The following CIZ1 variants were observed in gnomAD, a reference collection of about 807,000 sequenced individuals.
The protein encoded by CIZ1 is cip1-interacting zinc finger protein.
In CIZ1, 58 loss-of-function variants were observed where a neutral mutation model predicts 118.6. The observed-to-expected ratio is 0.49, with a 90% CI of 0.40 to 0.61. CIZ1 has a LOEUF of 0.61. CIZ1 is among the 20% of genes least tolerant of loss of function. CIZ1 has a pLI of 0.00. For missense variants in CIZ1, 921 were observed against 1,115.9 expected (o/e 0.83, Z 2.49); for synonymous variants, 448 against 443.4 (o/e 1.01, Z -0.13).
chr9:128,179,880 C>G (rs1831358848), intron 7 of CIZ1, among the ~76,000 whole-genome samples: 1 of 151,708 alleles, frequency 6.6e-6, no homozygotes, highest in Non-Finnish European at 1.5e-5. Context: ...CCATGTTGGT[C>G]AGGTTGGTCT....
chr9:128,177,542 C>CCCCCAAATAA (rs1831019097), intron 10 of CIZ1, 24 bp downstream of exon 10: 3 of 1,229,494 alleles, frequency 2.4e-6, no homozygotes, highest in South Asian at 1.8e-5. Context: ...CACCCCTCCC[C>CCCCCAAATAA]ACCCTTATCT....
Position 128,190,799 on chromosome 9 carries a change from A to C in CIZ1, c.59T>G (p.Leu20Ter). The C allele has an allele frequency of 6.5e-7, 1 of 1,540,354 alleles. No homozygotes were observed. The highest frequency in any genetic ancestry group is 8.7e-7 in the Non-Finnish European group (1 of 1,143,112). ...LQQQQQQLQQ[L>*]QQQQLQQQQL... is the part of the protein sequence containing the mutation. ...CTGCTGCTGGAGCTGCTGCTGCTGT[A>C]ACTGCTGGAGCTGCTGCTGCTGTTG... The change falls in exon 2 of 17, where the codon TTA becomes TGA. Residue 20 changes from leucine (L) to a stop codon, truncating the protein, a stop_gained. Coordinates refer to ENST00000372938, the MANE Select transcript of CIZ1 (RefSeq NM_001131016.2). LOFTEE classifies it high-confidence loss of function.
chr9:128,169,605 T>TCCC, intron 12 of CIZ1, 86 bp from the exon 13 acceptor site: 1 of 1,572,122 alleles, frequency 6.4e-7, no homozygotes, highest in East Asian at 2.3e-5. Context: ...AGAGCTCACC[T>TCCC]CCCCCGGGCA....
Position 128,166,277 on chromosome 9 carries a change from G to C in CIZ1, c.2617C>G (p.Gln873Glu). Residue 873 changes from glutamine to glutamate, a missense_variant, in exon 17 of 17, where the codon CAG becomes GAG. Coordinates refer to ENST00000372938, the MANE Select transcript of CIZ1 (RefSeq NM_001131016.2). This position sits in a 1 kb window ranked among gnomAD's most constrained non-coding sequence, Gnocchi z 4.4. Reference protein sequence around the residue: ...SGRPPSQPNTQDKTPSKVTAR... With the variant: ...SGRPPSQPNTEDKTPSKVTAR... ...GTCACCTTGCTGGGTGTTTTGTCCT[G>C]GGTGTTGGGCTGGGAGGGTGGGCGG... is the stretch of plus-strand genomic sequence containing the variant. 1 of 1,564,338 alleles carries C rather than the reference G, an allele frequency of 6.4e-7. No individual in the cohort carries two copies. Among genetic ancestry groups the C allele is most frequent in the Non-Finnish European group, 8.7e-7 (1 of 1,152,482 alleles).
intron 10 of CIZ1, among the ~76,000 whole-genome samples, chr9:128,176,866 T>C (rs1285262871): frequency 6.6e-6 from 1 of 152,184 alleles, no homozygotes; most frequent in Non-Finnish European, 1.5e-5. Context: ...GTCACATTGC[T>C]GAATCCCCAG....
intron 5 of CIZ1, among the ~76,000 whole-genome samples, chr9:128,184,302 A>G (rs1160107895): frequency 6.6e-6 from 1 of 152,198 alleles, no homozygotes; most frequent in Non-Finnish European, 1.5e-5. Context: ...AGTTTTTAAA[A>G]AAGGAATGTA....
rs1484930059 is a variant in CIZ1 at position 128,191,091 on chromosome 9, C to A, written c.-5-229G>T. Among the ~76,000 whole-genome samples the A allele has an allele frequency of 6.6e-6, 1 of 152,114 alleles. No homozygotes were observed. The highest frequency in any genetic ancestry group is 1.5e-5 in the Non-Finnish European group (1 of 68,004). On this transcript the variant is annotated intron_variant, in intron 1 of 16. Coordinates refer to ENST00000372938, the MANE Select transcript of CIZ1 (RefSeq NM_001131016.2). The surrounding 1 kb of genome is among the most constrained non-coding windows in gnomAD (Gnocchi z 5.5). ...TCAACCACCCTCCTGCCAATGCCCCCCAGACACTGCCAACAGCCCCTCCTT... is the reference window on the plus strand; with the variant it reads ...TCAACCACCCTCCTGCCAATGCCCCACAGACACTGCCAACAGCCCCTCCTT...
chr9:128,185,244 C>T (rs1201353122), intron 5 of CIZ1, among the ~76,000 whole-genome samples: 1 of 152,156 alleles, frequency 6.6e-6, no homozygotes, highest in Non-Finnish European at 1.5e-5. Context: ...CGCCATTGTA[C>T]TTCAGCCTGG....
intron 4 of CIZ1, among the ~76,000 whole-genome samples, chr9:128,187,581 A>G (rs1271611460): frequency 2.6e-5 from 4 of 152,222 alleles, no homozygotes; most frequent in African/African-American, 9.6e-5. Flanking sequence ...TAAATGTTCA[A>G]TTAACATTAA....
Position 128,191,431 on chromosome 9 carries a change from C to G in CIZ1, c.-6+1G>C. 1 of 954,896 alleles carries G rather than the reference C, an allele frequency of 1.0e-6. No individual in the cohort carries two copies. Among genetic ancestry groups the G allele is most frequent in the Non-Finnish European group, 1.2e-6 (1 of 800,076 alleles). The allele number at this position is 954,896 out of a possible 1,614,324, so 59.2% of individuals were successfully genotyped here. A position where few individuals can be genotyped will look rare whatever the true frequency, so the allele number is the denominator to read the frequency against. ...CGACCCAGCCGCCCCCGGCCCCGCA[C>G]CTCGCCTCCCCGCGCGCCCTCAACG... On this transcript the variant is annotated splice_donor_variant, in intron 1 of 16. Coordinates refer to ENST00000372938, the MANE Select transcript of CIZ1 (RefSeq NM_001131016.2). LOFTEE classifies it low-confidence loss of function (5UTR_SPLICE). The surrounding 1 kb of genome is among the most constrained non-coding windows in gnomAD (Gnocchi z 5.5).
chr9:128,170,883 C>T (rs1830041055), intron 11 of CIZ1, among the ~76,000 whole-genome samples: 3 of 152,076 alleles, frequency 2.0e-5, no homozygotes. Context: ...ACCTGTAATC[C>T]CAGTCCTCAA....
At chr9:128,178,306 G>A (rs1429513323) in intron 9 of CIZ1, 63 bp downstream of exon 9, 1 of 1,547,194 alleles carries the variant, frequency 6.5e-7, no homozygotes, top group African/African-American at 1.4e-5. Flanking sequence ...GGGGCAGAAA[G>A]AGGCCATCCC....
chr9:128,186,609 C>T (rs1832406345), intron 4 of CIZ1, among the ~76,000 whole-genome samples: 1 of 152,224 alleles, frequency 6.6e-6, no homozygotes, highest in African/African-American at 2.4e-5. Flanking sequence ...TCTGCCCAAA[C>T]ACTTCCATAG....
At chr9:128,180,661 C>T (rs1036687505) in intron 6 of CIZ1, 60 bp downstream of exon 6, 11 of 1,419,986 alleles carry the variant, frequency 7.7e-6, no homozygotes, top group South Asian at 5.8e-5. Context: ...CCTGCTGACC[C>T]GCCCACTGGC....
At chr9:128,189,063 T>A (rs12684314) in intron 3 of CIZ1, among the ~76,000 whole-genome samples, 96,737 of 151,798 alleles carry the variant, frequency 0.64, 31,740 homozygotes, top group East Asian at 0.95. Context: ...GGCCTCCCAA[T>A]GTGCTGAGAT....
At position 128,180,731 on chromosome 9, in the gene CIZ1, G is replaced by A; in HGVS notation, c.672C>T (p.Asp224=). 1.2e-6 allele frequency: 2 copies of A among 1,606,746 alleles called. No homozygotes were observed. Among genetic ancestry groups the A allele is most frequent in the Non-Finnish European group, 1.7e-6 (2 of 1,176,978 alleles). Residue 224 remains aspartate (D), a synonymous_variant, in exon 6 of 17, where the codon GAC becomes GAT. Coordinates refer to ENST00000372938, the MANE Select transcript of CIZ1 (RefSeq NM_001131016.2). Reference sequence around the variant, plus strand: ...GCCTCCCTCCCTCACCTTCTGGTGTGTCCATCCGGGGCTCTGCGGCTTCCT... The same window carrying A: ...GCCTCCCTCCCTCACCTTCTGGTGTATCCATCCGGGGCTCTGCGGCTTCCT... ...GSEEAAEPRM[D]TPEDQDLPPC...
At chr9:128,191,613 G>C (rs1457459526), upstream of CIZ1, 5 of 1,204,374 alleles carry the variant, frequency 4.2e-6, no homozygotes, top group African/African-American at 1.6e-5. This position sits in a 1 kb window ranked among gnomAD's most constrained non-coding sequence, Gnocchi z 5.5. Context: ...GCGCCCTCTG[G>C]GGGACGGGAG....
chr9:128,196,918 A>C (rs1724523298), intron 1 of CIZ1: 1 of 152,186 alleles, frequency 6.6e-6, no homozygotes, highest in African/African-American at 2.4e-5. Context: ...GTCTCTATTT[A>C]TTCAAGCCTT....
chr9:128,172,971 G>A (rs1279766183), intron 11 of CIZ1, among the ~76,000 whole-genome samples: 5 of 152,030 alleles, frequency 3.3e-5, no homozygotes, highest in African/African-American at 1.2e-4. Flanking sequence ...TAATACTGCT[G>A]CAAGCAACAA....
Sources: gnomAD v4.1 joint callset for allele counts (sites outside exome capture counted in the v4.1 genomes callset) on GRCh38, gnomAD v4.1.1 for gene constraint, Gnocchi (gnomAD v3.1) non-coding constraint, MANE v1.5 for transcripts, NCBI Gene and HGNC (gene_info 2026-07-23, HGNC 2026-07-21) for gene names.